LOC112694756: variants seen among roughly 807,000 people sequenced by gnomAD.
At chr16:30,064,610 G>A in the LOC112694756 span, 17 of 397,362 alleles carry the variant, frequency 4.3e-5, no homozygotes, top group East Asian at 5.4e-4. Flanking sequence ...GGGGCTTCAG[G>A]TTTCCCTAAA....
the LOC112694756 span, chr16:30,069,900 C>T: frequency 6.8e-6 from 11 of 1,614,048 alleles, no homozygotes; most frequent in South Asian, 8.8e-5. Context: ...TTAACAAGTG[C>T]CCCCTGCTGA....
the LOC112694756 span, among the ~76,000 whole-genome samples, chr16:30,065,435 C>G: frequency 6.6e-6 from 1 of 152,238 alleles, no homozygotes; most frequent in African/African-American, 2.4e-5. Flanking sequence ...TCCGCGTCCT[C>G]CACTTCCCCG....
At chr16:30,059,453 C>A in the LOC112694756 span, among the ~76,000 whole-genome samples, 3 of 151,352 alleles carry the variant, frequency 2.0e-5, no homozygotes, top group African/African-American at 7.3e-5. Context: ...GAGCCGAGAT[C>A]GTGCCACTGC....
At chr16:30,056,505 T>C in the LOC112694756 span, among the ~76,000 whole-genome samples, 2 of 152,232 alleles carry the variant, frequency 1.3e-5, no homozygotes, top group Admixed American at 6.5e-5. Context: ...ATCTCTCATA[T>C]ACTAATACAG....
the LOC112694756 span, among the ~76,000 whole-genome samples, chr16:30,053,657 T>G: frequency 6.6e-6 from 1 of 152,184 alleles, no homozygotes; most frequent in Admixed American, 6.5e-5. Flanking sequence ...AGTCCAGGAA[T>G]GGACTTCCCA....
chr16:30,067,538 C>T, the LOC112694756 span: 27 of 1,613,750 alleles, frequency 1.7e-5, no homozygotes, highest in South Asian at 7.7e-5. Context: ...TGACAGCTGA[C>T]GACCGCGTGA....
chr16:30,056,314 G>C, the LOC112694756 span, among the ~76,000 whole-genome samples: 3 of 151,886 alleles, frequency 2.0e-5, no homozygotes, highest in Non-Finnish European at 4.4e-5. Context: ...TCACCATGTT[G>C]GCCAGGCTGG....
the LOC112694756 span, chr16:30,068,702 T>C: frequency 6.2e-7 from 1 of 1,614,204 alleles, no homozygotes; most frequent in Non-Finnish European, 8.5e-7. Flanking sequence ...CCACCCAAGG[T>C]GAGAACTGTT....
chr16:30,056,199 T>C, the LOC112694756 span, among the ~76,000 whole-genome samples: 1 of 127,340 alleles, frequency 7.9e-6, no homozygotes, highest in Non-Finnish European at 1.7e-5. Flanking sequence ...AATGTCCACC[T>C]CCTGGGTTCA....
At chr16:30,069,220 T>TA in the LOC112694756 span, 52 of 1,482,724 alleles carry the variant, frequency 3.5e-5, no homozygotes, top group Non-Finnish European at 4.0e-5. Context: ...ATCATCAAGA[T>TA]ACGGTCTTGA....
chr16:30,065,641 G>C, the LOC112694756 span: 2 of 152,266 alleles, frequency 1.3e-5, no homozygotes, highest in Non-Finnish European at 2.9e-5. Context: ...GCGCCTCTCG[G>C]GGGCGGCCCG....
the LOC112694756 span, chr16:30,066,038 C>T: frequency 2.0e-4 from 30 of 152,994 alleles, no homozygotes; most frequent in Admixed American, 2.6e-4. Flanking sequence ...GCCAGCGTCT[C>T]CCCACTACCA....
the LOC112694756 span, chr16:30,069,968 C>G: frequency 6.2e-7 from 1 of 1,613,992 alleles, no homozygotes; most frequent in Non-Finnish European, 8.5e-7. Flanking sequence ...GCCCTGAAGG[C>G]CTGGGGCGGG....
the LOC112694756 span, chr16:30,068,073 T>G: frequency 4.2e-6 from 1 of 238,368 alleles, no homozygotes; most frequent in African/African-American, 2.4e-5. Context: ...TTTTTTTTTT[T>G]TTTTTTTTTG....
chr16:30,068,356 G>C, the LOC112694756 span: 1 of 418,472 alleles, frequency 2.4e-6, no homozygotes, highest in South Asian at 2.0e-5. Flanking sequence ...GAGCCACCAT[G>C]CCCGGCTTAA....
At chr16:30,056,390 A>G in the LOC112694756 span, among the ~76,000 whole-genome samples, 13 of 152,062 alleles carry the variant, frequency 8.5e-5, no homozygotes, top group Non-Finnish European at 1.6e-4. Flanking sequence ...GTTTTTTCTG[A>G]TTACAAAAAG....
the LOC112694756 span, chr16:30,068,395 T>C: frequency 1.8e-6 from 1 of 546,308 alleles, no homozygotes; most frequent in South Asian, 1.9e-5. Flanking sequence ...TGTAACTAAG[T>C]GAAAATATTT....
At chr16:30,069,433 G>A in the LOC112694756 span, 7 of 1,613,886 alleles carry the variant, frequency 4.3e-6, no homozygotes, top group Non-Finnish European at 5.9e-6. Flanking sequence ...GCTGGCCGGG[G>A]ACCCTGGGGC....
the LOC112694756 span, chr16:30,067,767 C>T: frequency 6.0e-6 from 8 of 1,326,070 alleles, no homozygotes; most frequent in Non-Finnish European, 7.6e-6. Flanking sequence ...TAGAGACTTG[C>T]ATGGAGCCTG....
Sources: gnomAD v4.1 joint callset for allele counts (sites outside exome capture counted in the v4.1 genomes callset) on GRCh38, gnomAD v4.1.1 for gene constraint, MANE v1.5 for transcripts.